Variants in GLIS1 observed in about 807,000 individuals in gnomAD.
The protein encoded by GLIS1 is GLIS family zinc finger 1.
Under a neutral mutation model 63.8 loss-of-function variants are expected in GLIS1, and 24 were observed. The ratio of observed to expected loss-of-function variants is 0.38; its 90% CI spans 0.27 to 0.53. The LOEUF (loss-of-function observed/expected upper bound fraction) is 0.53. Ranked by LOEUF, GLIS1 falls within the 20% of genes least tolerant of loss-of-function variation. The probability of loss-of-function intolerance (pLI) is 0.85; values close to 1 mark genes in which losing one functional copy is unlikely to be tolerated. For synonymous variants in GLIS1, 450 were observed against 482.5 expected (o/e 0.93, Z 0.88); for missense variants, 1,036 against 1,074.1 (o/e 0.96, Z 0.50).
chr1:53,535,555 C>T (rs955152762), intron 4 of GLIS1, among the ~76,000 whole-genome samples: 1 of 152,046 alleles, frequency 6.6e-6, no homozygotes, highest in Non-Finnish European at 1.5e-5. Context: ...CACCTTCTAC[C>T]TGGATGCTTG....
In GLIS1 at chr1:53,598,283, C is replaced by T. The variant is rs772308238; in HGVS notation, c.437+1818G>A. On this transcript the variant is annotated intron_variant, in intron 3 of 10. Transcript: ENST00000628545. This position sits in a 1 kb window ranked among gnomAD's most constrained non-coding sequence, Gnocchi z 4.6. ...GAGGGCCGGGCACGGTGGCTCACGCCTGTAATCCCAGCACTTTGGGAGGCT... is the reference window on the plus strand; with the variant it reads ...GAGGGCCGGGCACGGTGGCTCACGCTTGTAATCCCAGCACTTTGGGAGGCT... Among the ~76,000 whole-genome samples the T allele has an allele frequency of 3.3e-5, 5 of 152,206 alleles. No individual in the cohort carries two copies. The highest frequency in any genetic ancestry group is 5.9e-5 in the Non-Finnish European group (4 of 68,040).
intron 2 of GLIS1, among the ~76,000 whole-genome samples, chr1:53,627,383 C>T (rs946733497): frequency 3.3e-5 from 5 of 152,146 alleles, no homozygotes; most frequent in Non-Finnish European, 7.3e-5. Flanking sequence ...AAGTTATCTG[C>T]GCTTGTGGAG....
intron 4 of GLIS1, among the ~76,000 whole-genome samples, chr1:53,575,147 A>C (rs1645020664): frequency 6.6e-6 from 1 of 152,102 alleles, no homozygotes; most frequent in South Asian, 2.1e-4. Context: ...TTCTAGAATT[A>C]AATTATCTGT....
At chr1:53,586,974 CA>C (rs11297885) in intron 4 of GLIS1, among the ~76,000 whole-genome samples, 49,893 of 152,012 alleles carry the variant, frequency 0.33, 8,533 homozygotes, top group African/African-American at 0.39. Flanking sequence ...CACTGTTACA[CA>C]CAGCGCAACA....
chr1:53,723,112 G>A (rs908730385), intron 2 of GLIS1, among the ~76,000 whole-genome samples: 1 of 151,724 alleles, frequency 6.6e-6, no homozygotes, highest in Non-Finnish European at 1.5e-5. Flanking sequence ...CAGCCTGGGT[G>A]ACAGAGTGAG....
chr1:53,536,218 C>T (rs1035257862), intron 4 of GLIS1, among the ~76,000 whole-genome samples: 6 of 152,014 alleles, frequency 3.9e-5, no homozygotes, highest in Non-Finnish European at 8.8e-5. Flanking sequence ...ACAGACTGAT[C>T]TGGCTAGAAG....
intron 4 of GLIS1, among the ~76,000 whole-genome samples, chr1:53,547,300 T>C (rs1056598985): frequency 6.6e-6 from 1 of 152,254 alleles, no homozygotes; most frequent in Admixed American, 6.5e-5. Flanking sequence ...CCCAGCCCAG[T>C]GCCCTCTGAT....
intron 4 of GLIS1, among the ~76,000 whole-genome samples, chr1:53,558,535 A>G (rs1024313093): frequency 5.3e-4 from 81 of 151,964 alleles, no homozygotes; most frequent in African/African-American, 1.9e-3. Flanking sequence ...CACTCTTCCC[A>G]TGCCTCCCCC....
intron 2 of GLIS1, among the ~76,000 whole-genome samples, chr1:53,640,869 C>T (rs953880595): frequency 7.2e-5 from 11 of 152,138 alleles, no homozygotes; most frequent in Admixed American, 3.3e-4. Flanking sequence ...AGGCAGCTCC[C>T]GGAGTCTGGG....
chr1:53,596,753 G>A (rs1019490204), intron 3 of GLIS1, among the ~76,000 whole-genome samples: 1 of 152,148 alleles, frequency 6.6e-6, no homozygotes, highest in African/African-American at 2.4e-5. Flanking sequence ...GGTACAGGAG[G>A]GGAGGGGAAG....
chr1:53,533,022 C>T (rs1199971360), intron 4 of GLIS1, among the ~76,000 whole-genome samples: 2 of 152,284 alleles, frequency 1.3e-5, no homozygotes, highest in Non-Finnish European at 2.9e-5. Context: ...GCGTGATCTG[C>T]AGGAGTGAGA....
chr1:53,647,876 A>G (rs1645863287), intron 2 of GLIS1, among the ~76,000 whole-genome samples: 1 of 152,212 alleles, frequency 6.6e-6, no homozygotes, highest in African/African-American at 2.4e-5. Flanking sequence ...AAACAACTCA[A>G]TTAAAAAAAA....
Position 53,506,767 on chromosome 1 carries a change from G to A in GLIS1, c.2240C>T (p.Ala747Val), listed in dbSNP as rs1021579677. ...TGTGGGGCATGAGGCCTCAGCCAGG[G>A]CCTCATAGCCTGTGAGTGGTTGGGA... Reference protein sequence around the residue: ...STPLPATGYEALAEASCPTAL... With the variant: ...STPLPATGYEVLAEASCPTAL... The change falls in exon 11 of 11, where the codon GCC (alanine) becomes GTC (valine). Residue 747 changes from alanine (A) to valine (V), a missense_variant. Transcript: ENST00000628545. 3 of 1,609,916 alleles carry A rather than the reference G, an allele frequency of 1.9e-6. No individual in the cohort carries two copies. In the African/African-American group the frequency reaches 4.0e-5, roughly 21 times the overall value.
chr1:53,687,718 G>A (rs566965572), intron 2 of GLIS1, among the ~76,000 whole-genome samples: 3 of 152,286 alleles, frequency 2.0e-5, no homozygotes, highest in South Asian at 4.1e-4. Flanking sequence ...CCTCCTTCAC[G>A]AAGGGACGGA....
intron 2 of GLIS1, among the ~76,000 whole-genome samples, chr1:53,719,955 C>T (rs1282907156): frequency 6.6e-6 from 1 of 152,146 alleles, no homozygotes. Flanking sequence ...GCAGGTGGAT[C>T]ACCTGAGGTC....
Position 53,737,915 on chromosome 1 carries a change from CG to C in GLIS1, c.149del (p.Pro50ArgfsTer5). 1 of 1,230,218 alleles carries C rather than the reference CG, an allele frequency of 8.1e-7. No homozygotes were observed. Among genetic ancestry groups the C allele is most frequent in the Non-Finnish European group, 1.0e-6 (1 of 986,912 alleles). 76.2% of individuals were successfully genotyped at this position (1,230,218 alleles called of 1,614,324 possible). On this transcript the variant is annotated frameshift_variant, in exon 2 of 11. Transcript: ENST00000628545. LOFTEE classifies it high-confidence loss of function. ...VSGGGCGDRGPRDLLARPPAP... is the reference protein window; with the variant it reads ...VSGGGCGDRGXRDLLARPPAP... ...CAGGCGGCCGGGCTAGCAGGTCCCG[CG>C]GGCCCCTGTCCCCGCAGCCGCCGCC... is the stretch of plus-strand genomic sequence containing the variant.
At chr1:53,675,756 A>G (rs992880541) in intron 2 of GLIS1, among the ~76,000 whole-genome samples, 5 of 152,138 alleles carry the variant, frequency 3.3e-5, no homozygotes, top group African/African-American at 1.2e-4. Flanking sequence ...ACAGAGCAGC[A>G]AAGTCCGGAC....
chr1:53,575,506 T>A (rs1000624712), intron 4 of GLIS1, among the ~76,000 whole-genome samples: 2 of 152,176 alleles, frequency 1.3e-5, no homozygotes, highest in African/African-American at 4.8e-5. Context: ...CAAGCTTTCC[T>A]CCCCACACGG....
intron 2 of GLIS1, among the ~76,000 whole-genome samples, chr1:53,723,753 G>A (rs902426117): frequency 6.6e-6 from 1 of 152,152 alleles, no homozygotes; most frequent in African/African-American, 2.4e-5. Flanking sequence ...ACTCACGTGA[G>A]TGGGAAAAAA....
Sources: gnomAD v4.1 joint callset for allele counts (sites outside exome capture counted in the v4.1 genomes callset) on GRCh38, gnomAD v4.1.1 for gene constraint, Gnocchi (gnomAD v3.1) non-coding constraint, MANE v1.5 for transcripts, NCBI Gene and HGNC (gene_info 2026-07-23, HGNC 2026-07-21) for gene names.